Variants in CALCRL observed in about 807,000 individuals in gnomAD.
The protein encoded by CALCRL is calcitonin receptor like receptor, also known as calcitonin gene-related peptide type 1 receptor.
In CALCRL, 27 loss-of-function variants were observed where a neutral mutation model predicts 60.4. That is an observed-to-expected ratio of 0.45 (90% CI 0.33 to 0.62). The LOEUF (loss-of-function observed/expected upper bound fraction) is 0.62, where lower values mean the gene tolerates loss of function less well. Among genes scored for constraint, CALCRL ranks in the 20% least tolerant of loss-of-function variants. The probability of loss-of-function intolerance (pLI) is 0.03; values close to 1 mark genes in which losing one functional copy is unlikely to be tolerated. For synonymous variants in CALCRL, 190 were observed against 182.6 expected, an observed-to-expected ratio of 1.04 and a Z score of -0.33; for missense variants, 424 against 540.7, an observed-to-expected ratio of 0.78 and a Z score of 2.14.
At chr2:187,394,932 A>G (rs1688597373) in intron 1 of CALCRL, among the ~76,000 whole-genome samples, 2 of 152,050 alleles carry the variant, frequency 1.3e-5, no homozygotes, top group South Asian at 2.1e-4. Flanking sequence ...GGCTAAATCA[A>G]TGTTGCCTAT....
In CALCRL at chr2:187,346,377, T is replaced by C. The variant is rs1202570077; in HGVS notation, c.1193A>G (p.Asn398Ser). The C allele has an allele frequency of 6.2e-7, 1 of 1,611,108 alleles. No individual in the cohort carries two copies. The highest frequency in any genetic ancestry group is 8.5e-7 in the Non-Finnish European group (1 of 1,178,308). ...AAATTGGATTTTGTATTGATTCCAG[T>C]TTCTTCTCAGAATTGCTTGAACCTA... The part of the protein sequence containing the change: ...NGEVQAILRR[N>S]WNQYKIQFGN... Residue 398 changes from asparagine (N) to serine (S), a missense_variant, in exon 15 of 15, where the codon AAC becomes AGC. Asn to Ser is a conservative substitution (Grantham distance 46). This residue lies in a region of CALCRL where 222 missense variants were observed against 265.6 expected (regional missense o/e 0.84). Coordinates refer to ENST00000392370, the MANE Select transcript of CALCRL (RefSeq NM_005795.6).
At chr2:187,363,037 G>T (rs1193478833) in intron 9 of CALCRL, among the ~76,000 whole-genome samples, 2 of 152,018 alleles carry the variant, frequency 1.3e-5, no homozygotes, top group East Asian at 1.9e-4. Context: ...CATAGCAAGA[G>T]GACTCTACAG....
intron 8 of CALCRL, among the ~76,000 whole-genome samples, chr2:187,372,256 C>T (rs182691067): frequency 6.6e-4 from 100 of 151,398 alleles, no homozygotes; most frequent in Non-Finnish European, 1.2e-3. Context: ...GTGAGATTTG[C>T]TCTGCTCTCT....
intron 8 of CALCRL, 51 bp downstream of exon 8, chr2:187,378,889 A>AT (rs1188818079): frequency 9.8e-7 from 1 of 1,016,774 alleles, no homozygotes; most frequent in Non-Finnish European, 1.5e-6. Context: ...ATGATGGGGC[A>AT]TTCACCCAAG....
At chr2:187,377,583 C>A (rs761850568) in intron 8 of CALCRL, among the ~76,000 whole-genome samples, 49 of 152,066 alleles carry the variant, frequency 3.2e-4, no homozygotes, top group Admixed American at 8.5e-4. Flanking sequence ...AAGATATAGA[C>A]CCTTTGACCA....
chr2:187,430,328 G>A (rs1456506967), intron 1 of CALCRL, among the ~76,000 whole-genome samples: 2 of 152,130 alleles, frequency 1.3e-5, no homozygotes, highest in African/African-American at 4.8e-5. Flanking sequence ...TACAGAAGGA[G>A]GAATGATGTC....
intron 1 of CALCRL, among the ~76,000 whole-genome samples, chr2:187,401,548 T>C (rs1446388390): frequency 1.3e-5 from 2 of 151,654 alleles, no homozygotes; most frequent in Non-Finnish European, 3.0e-5. Context: ...TTTAAGTTTA[T>C]AAAAATAACC....
chr2:187,378,506 T>C (rs966222717), intron 8 of CALCRL, among the ~76,000 whole-genome samples: 5 of 152,208 alleles, frequency 3.3e-5, no homozygotes, highest in East Asian at 3.9e-4. Flanking sequence ...CTAAACAAAG[T>C]GTATTTAGAT....
chr2:187,358,231 G>A (rs1168098041), intron 12 of CALCRL, among the ~76,000 whole-genome samples: 1 of 150,370 alleles, frequency 6.7e-6, no homozygotes, highest in Admixed American at 6.7e-5. Context: ...TAGTGTATAC[G>A]TATAGTCTTA....
intron 1 of CALCRL, among the ~76,000 whole-genome samples, chr2:187,396,103 C>T (rs1454690082): frequency 1.3e-5 from 2 of 151,162 alleles, no homozygotes; most frequent in Admixed American, 6.6e-5. Flanking sequence ...TACCTAATAG[C>T]TCACGGGAAA....
At chr2:187,441,200 T>A (rs1456095951) in intron 1 of CALCRL, among the ~76,000 whole-genome samples, 4 of 152,010 alleles carry the variant, frequency 2.6e-5, no homozygotes, top group African/African-American at 9.7e-5. Flanking sequence ...ACACAGTGAA[T>A]CTGGTTGTTG....
intron 1 of CALCRL, among the ~76,000 whole-genome samples, chr2:187,411,277 C>T (rs1223633249): frequency 1.3e-5 from 2 of 152,104 alleles, no homozygotes; most frequent in Non-Finnish European, 2.9e-5. Flanking sequence ...CTCTATATAA[C>T]TATAAATAAG....
intron 1 of CALCRL, among the ~76,000 whole-genome samples, chr2:187,402,033 A>G (rs998626735): frequency 6.6e-6 from 1 of 151,668 alleles, no homozygotes; most frequent in Middle Eastern, 3.4e-3. Flanking sequence ...AGAAATCAAT[A>G]TGTGTATCTC....
At chr2:187,421,848 C>T (rs1003950525) in intron 1 of CALCRL, among the ~76,000 whole-genome samples, 1 of 152,154 alleles carries the variant, frequency 6.6e-6, no homozygotes, top group Non-Finnish European at 1.5e-5. Context: ...TTCTCATCGT[C>T]GCAAGTTGGA....
intron 3 of CALCRL, among the ~76,000 whole-genome samples, chr2:187,386,974 C>G (rs182318240): frequency 6.6e-6 from 1 of 152,168 alleles, no homozygotes. Flanking sequence ...TTCCCAGCCA[C>G]GTGAAACTGT....
chr2:187,415,821 T>C, intron 1 of CALCRL: 1 of 395,534 alleles, frequency 2.5e-6, no homozygotes, highest in Non-Finnish European at 4.7e-6. Context: ...TGGTGGATCA[T>C]GGTCCACATG....
At chr2:187,436,884 C>A (rs915226823) in intron 1 of CALCRL, among the ~76,000 whole-genome samples, 1 of 151,972 alleles carries the variant, frequency 6.6e-6, no homozygotes, top group East Asian at 1.9e-4. Flanking sequence ...CTATGTGCTC[C>A]CCTTTTCTTT....
intron 1 of CALCRL, among the ~76,000 whole-genome samples, chr2:187,391,902 A>G (rs1217124814): frequency 2.0e-5 from 3 of 152,118 alleles, no homozygotes; most frequent in African/African-American, 7.2e-5. Context: ...TTAATTTCTT[A>G]ATATATTATA....
intron 1 of CALCRL, among the ~76,000 whole-genome samples, chr2:187,446,952 T>C (rs984619735): frequency 6.6e-6 from 1 of 151,918 alleles, no homozygotes; most frequent in Non-Finnish European, 1.5e-5. Context: ...TAATTGCATT[T>C]AGGTAAGAAA....
Sources: gnomAD v4.1 joint callset for allele counts (sites outside exome capture counted in the v4.1 genomes callset) on GRCh38, gnomAD v4.1.1 for gene constraint, gnomAD v4.1.1 regional missense constraint, MANE v1.5 for transcripts, NCBI Gene and HGNC (gene_info 2026-07-23, HGNC 2026-07-21) for gene names.